KANK1: variants seen among roughly 807,000 people sequenced by gnomAD.
KANK1 encodes the protein KN motif and ankyrin repeat domains 1, also known as KN motif and ankyrin repeat domain-containing protein 1.
A neutral mutation model predicts 106.2 loss-of-function variants in KANK1; 109 were observed. The ratio of observed to expected loss-of-function variants is 1.03; its 90% CI spans 0.88 to 1.20. The LOEUF (loss-of-function observed/expected upper bound fraction) is 1.20. KANK1 is among the 50% of genes most tolerant of loss of function. The probability of loss-of-function intolerance (pLI) is 0.00; values close to 1 mark genes in which losing one functional copy is unlikely to be tolerated. For synonymous variants in KANK1, 873 were observed against 652.2 expected (o/e 1.34, Z -5.16); for missense variants, 2,399 against 1,710.7 (o/e 1.40, Z -7.10).
intron 3 of KANK1, among the ~76,000 whole-genome samples, chr9:488,548 A>T (rs537890208): frequency 1.3e-5 from 2 of 152,334 alleles, no homozygotes; most frequent in East Asian, 3.9e-4. Flanking sequence ...CACATCAACT[A>T]ATCTCAATTA....
At chr9:532,566 C>T (rs1433874589) in intron 1 of KANK1, among the ~76,000 whole-genome samples, 3 of 151,934 alleles carry the variant, frequency 2.0e-5, no homozygotes, top group Admixed American at 6.6e-5. Context: ...TGGTAACAAC[C>T]ATTCTACGTT....
chr9:476,608 G>C (rs1441317580), intron 3 of KANK1: 1 of 152,074 alleles, frequency 6.6e-6, no homozygotes, highest in African/African-American at 2.4e-5. Flanking sequence ...TCTCACCCAG[G>C]ATCTCCTGTC....
intron 2 of KANK1, among the ~76,000 whole-genome samples, chr9:695,611 G>A (rs569953632): frequency 2.3e-4 from 34 of 149,306 alleles, no homozygotes; most frequent in African/African-American, 6.1e-4. Flanking sequence ...GACTTCGTGG[G>A]GGGGGGGGCA....
chr9:661,632 A>T (rs1423227584), intron 1 of KANK1, among the ~76,000 whole-genome samples: 1 of 152,098 alleles, frequency 6.6e-6, no homozygotes, highest in Non-Finnish European at 1.5e-5. Context: ...TCCTTTGGGT[A>T]TATATCCAGT....
At chr9:590,475 T>C (rs1392177986) in intron 1 of KANK1, among the ~76,000 whole-genome samples, 3 of 152,150 alleles carry the variant, frequency 2.0e-5, no homozygotes, top group Admixed American at 6.5e-5. Flanking sequence ...GCTTTAGATA[T>C]ATATATGTAT....
chr9:488,849 A>G (rs2058335277), intron 3 of KANK1: 1 of 152,176 alleles, frequency 6.6e-6, no homozygotes, highest in Non-Finnish European at 1.5e-5. Flanking sequence ...AATTTTAGGG[A>G]TAATGGAATA....
intron 1 of KANK1, among the ~76,000 whole-genome samples, chr9:649,367 C>A (rs1840387692): frequency 6.6e-6 from 1 of 152,098 alleles, no homozygotes; most frequent in African/African-American, 2.4e-5. Flanking sequence ...TGGACCTCAC[C>A]TTATCTGGTC....
chr9:672,982 A>C (rs1259857677), intron 1 of KANK1, among the ~76,000 whole-genome samples: 2 of 152,134 alleles, frequency 1.3e-5, no homozygotes, highest in African/African-American at 4.8e-5. Flanking sequence ...AAAAGAAGCA[A>C]TTTATTGATC....
chr9:684,126 T>C, intron 2 of KANK1: 4 of 978,238 alleles, frequency 4.1e-6, no homozygotes, highest in Non-Finnish European at 4.9e-6. Context: ...TTTCATAAAC[T>C]CTTAAGGCTT....
intron 1 of KANK1, among the ~76,000 whole-genome samples, chr9:525,351 G>A (rs923265641): frequency 8.2e-5 from 3 of 36,520 alleles, no homozygotes; most frequent in South Asian, 1.4e-3. Flanking sequence ...GTATACATAC[G>A]TGTGTGTGTG....
At chr9:527,209 G>A (rs1008371775) in intron 1 of KANK1, among the ~76,000 whole-genome samples, 1 of 151,714 alleles carries the variant, frequency 6.6e-6, no homozygotes, top group African/African-American at 2.4e-5. Flanking sequence ...AGGCCGTTCT[G>A]TACCTTCTCT....
intron 2 of KANK1, chr9:471,519 G>C (rs773352374): frequency 5.9e-5 from 9 of 152,190 alleles, no homozygotes; most frequent in Non-Finnish European, 1.2e-4. Context: ...ATCTTCCTTG[G>C]AGCAGGACCA....
intron 1 of KANK1, among the ~76,000 whole-genome samples, chr9:601,493 G>A (rs2642005): frequency 0.34 from 51,786 of 151,566 alleles, 10,907 homozygotes; most frequent in South Asian, 0.55. Context: ...GTTTCCTAGT[G>A]TTTACCTTTA....
chr9:702,376 G>T lies in KANK1; in HGVS notation c.38-8428G>T, dbSNP rs372708822. ...CTTCTGCCTTTAATTACTTTTCTATGCACCCCATCCCCACTAGACTGTGAG... is the reference window on the plus strand; with the variant it reads ...CTTCTGCCTTTAATTACTTTTCTATTCACCCCATCCCCACTAGACTGTGAG... On this transcript the variant is annotated intron_variant, in intron 2 of 11. Coordinates refer to ENST00000382297, the MANE Select transcript of KANK1 (RefSeq NM_015158.5). Among the ~76,000 whole-genome samples, 4 of 152,220 alleles carry T rather than the reference G, an allele frequency of 2.6e-5. No homozygotes were observed. In the South Asian group the frequency reaches 6.2e-4, roughly 24 times the overall value.
At position 735,056 on chromosome 9, in the gene KANK1, G is replaced by C. The variant is rs570044837; in HGVS notation, c.3333+221G>C. On this transcript the variant is annotated intron_variant, in intron 7 of 11. Transcript: ENST00000382297. Reference sequence around the variant, plus strand: ...ACTTCGGACATCCTTTACCCACCCTGGACTTTTCCTGGGGTGGAGGCATCT... The same window carrying C: ...ACTTCGGACATCCTTTACCCACCCTCGACTTTTCCTGGGGTGGAGGCATCT... Among the ~76,000 whole-genome samples, 11 of 152,308 alleles carry C rather than the reference G, an allele frequency of 7.2e-5. No homozygotes were observed. In the East Asian group the frequency reaches 9.6e-4, roughly 13 times the overall value.
At chr9:660,192 G>A in intron 1 of KANK1, 2 of 291,528 alleles carry the variant, frequency 6.9e-6, no homozygotes, top group Non-Finnish European at 1.5e-5. Flanking sequence ...AAATTTGCCT[G>A]CAATGATACT....
At chr9:591,299 T>C (rs556401180) in intron 1 of KANK1, among the ~76,000 whole-genome samples, 1 of 152,040 alleles carries the variant, frequency 6.6e-6, no homozygotes, top group Non-Finnish European at 1.5e-5. Flanking sequence ...CTTTATGGTT[T>C]CCATATAGGC....
In KANK1 at chr9:492,796, G is replaced by A. The variant is rs1017725381; in HGVS notation, c.-362+19523G>A. Among the ~76,000 whole-genome samples, 5 of 152,036 alleles carry A rather than the reference G, an allele frequency of 3.3e-5. No individual in the cohort carries two copies. The East Asian group carries it at 5.8e-4, about 18-fold the overall frequency. On this transcript the variant is annotated intron_variant, in intron 3 of 15. Transcript: ENST00000382303. ...TCCCAGCACTTTGGGAGGCCGAGGCGGGTGGATCACCTGAGGTCGGGAATT... is the reference window on the plus strand; with the variant it reads ...TCCCAGCACTTTGGGAGGCCGAGGCAGGTGGATCACCTGAGGTCGGGAATT...
rs184266828 is a variant in KANK1 at position 560,683 on chromosome 9, A to G, written c.-84+55929A>G. On this transcript the variant is annotated intron_variant, in intron 1 of 11. Coordinates refer to ENST00000382297, the MANE Select transcript of KANK1 (RefSeq NM_015158.5). ...CCCAATGTCATGATATTCTAGTTTG[A>G]GAAGAGTGGTCTTTGATCAAGAAAG... Among the ~76,000 whole-genome samples the G allele has an allele frequency of 2.6e-5, 4 of 152,240 alleles. No homozygotes were observed. The East Asian group carries it at 7.7e-4, about 29-fold the overall frequency.
Sources: gnomAD v4.1 joint callset for allele counts (sites outside exome capture counted in the v4.1 genomes callset) on GRCh38, gnomAD v4.1.1 for gene constraint, MANE v1.5 for transcripts, NCBI Gene and HGNC (gene_info 2026-07-23, HGNC 2026-07-21) for gene names.